The following GLCE variants were observed in gnomAD, a reference collection of about 807,000 sequenced individuals.
GLCE encodes the protein glucuronic acid epimerase.
In GLCE, 19 loss-of-function variants were observed where a neutral mutation model predicts 47.9. The ratio of observed to expected loss-of-function variants is 0.40; its 90% confidence interval spans 0.28 to 0.58. The LOEUF is 0.58. GLCE is among the 20% of genes least tolerant of loss of function. GLCE has a pLI of 0.48. For synonymous variants in GLCE, 245 were observed against 263.4 expected, an observed-to-expected ratio of 0.93 and a Z score of 0.68; for missense variants, 556 against 743.3, an observed-to-expected ratio of 0.75 and a Z score of 2.93.
chr15:69,240,088 A>G (rs2052645438), intron 2 of GLCE, among the ~76,000 whole-genome samples: 2 of 152,314 alleles, frequency 1.3e-5, no homozygotes, highest in South Asian at 4.1e-4. Flanking sequence ...TAATGGCTTT[A>G]TAATGGATTA....
At chr15:69,204,069 G>A (rs1278681924) in intron 1 of GLCE, among the ~76,000 whole-genome samples, 1 of 151,820 alleles carries the variant, frequency 6.6e-6, no homozygotes, top group Non-Finnish European at 1.5e-5. Context: ...TTTATATTTT[G>A]TGACCACATG....
At chr15:69,201,158 A>G (rs998920583) in intron 1 of GLCE, among the ~76,000 whole-genome samples, 13 of 152,192 alleles carry the variant, frequency 8.5e-5, no homozygotes, top group Admixed American at 5.2e-4. Context: ...GCCTACCTGG[A>G]TAATACAGAG....
intron 2 of GLCE, among the ~76,000 whole-genome samples, chr15:69,210,762 G>A (rs1425577983): frequency 6.6e-6 from 1 of 152,082 alleles, no homozygotes; most frequent in Non-Finnish European, 1.5e-5. Flanking sequence ...GCAAACTATG[G>A]CCTATGGGCC....
intron 2 of GLCE, among the ~76,000 whole-genome samples, chr15:69,241,906 C>A (rs547592824): frequency 4.5e-4 from 68 of 152,236 alleles, no homozygotes; most frequent in African/African-American, 1.5e-3. Flanking sequence ...AATGTCTTTT[C>A]CCCGTCCAGA....
At chr15:69,212,304 A>T (rs535564307) in intron 2 of GLCE, among the ~76,000 whole-genome samples, 1 of 152,102 alleles carries the variant, frequency 6.6e-6, no homozygotes, top group East Asian at 1.9e-4. Context: ...ATCTTAAGAC[A>T]TCTTTTTTTA....
chr15:69,177,727 A>T (rs1008523598), intron 1 of GLCE, among the ~76,000 whole-genome samples: 1 of 148,902 alleles, frequency 6.7e-6, no homozygotes, highest in Admixed American at 6.6e-5. Context: ...TCTTTACTTC[A>T]TGCCGCTTTA....
intron 1 of GLCE, among the ~76,000 whole-genome samples, chr15:69,196,224 G>A (rs2051988526): frequency 6.6e-6 from 1 of 152,144 alleles, no homozygotes; most frequent in South Asian, 2.1e-4. Context: ...TAGTGTGACT[G>A]AAGTGGAGTG....
intron 1 of GLCE, among the ~76,000 whole-genome samples, chr15:69,208,051 T>C (rs1365583170): frequency 6.6e-6 from 1 of 152,050 alleles, no homozygotes; most frequent in Non-Finnish European, 1.5e-5. Flanking sequence ...AAGTCCTTTG[T>C]TCCATAAGCG....
chr15:69,176,558 A>G lies in GLCE; in HGVS notation c.-105+15801A>G, dbSNP rs201280013. On this transcript the variant is annotated intron_variant, in intron 1 of 4. Coordinates refer to ENST00000261858, the MANE Select transcript of GLCE (RefSeq NM_015554.3). ...TTGTTTTTTTTCCTCAAACATCTAT[A>G]TGGCACTGCAATATAGAATACAAAT... 2.0e-5 allele frequency among the ~76,000 whole-genome samples: 3 copies of G among 152,098 alleles called. No homozygotes were observed. The East Asian group carries it at 5.8e-4, about 29-fold the overall frequency.
chr15:69,228,514 C>G lies in GLCE; in HGVS notation c.-14+18108C>G, dbSNP rs147087962. On this transcript the variant is annotated intron_variant, in intron 2 of 4. Coordinates refer to ENST00000261858, the MANE Select transcript of GLCE (RefSeq NM_015554.3). ...GGCAAAAGAAATTGAATAATGAAAA[C>G]TACTTGATAAAATCAAAAGAAGGCA... Among the ~76,000 whole-genome samples, 88 of 152,046 alleles carry G rather than the reference C, an allele frequency of 5.8e-4. 1 individual carries two copies. Among genetic ancestry groups the G allele is most frequent in the Admixed American group, 3.7e-3 (56 of 15,266 alleles).
At chr15:69,193,971 T>C (rs1366490047) in intron 1 of GLCE, among the ~76,000 whole-genome samples, 1 of 152,174 alleles carries the variant, frequency 6.6e-6, no homozygotes, top group Admixed American at 6.6e-5. Context: ...TAAAGTCTGA[T>C]GTAAAATGCC....
At chr15:69,166,416 G>A (rs2051501973) in intron 1 of GLCE, among the ~76,000 whole-genome samples, 1 of 152,164 alleles carries the variant, frequency 6.6e-6, no homozygotes, top group Non-Finnish European at 1.5e-5. Context: ...GAAGTAGGTT[G>A]TAAAGTTTAT....
intron 2 of GLCE, among the ~76,000 whole-genome samples, chr15:69,235,819 G>A (rs891646817): frequency 2.6e-5 from 4 of 152,112 alleles, no homozygotes; most frequent in East Asian, 1.9e-4. Flanking sequence ...AAAATAAAAT[G>A]TGCCCCTTTA....
At chr15:69,253,604 AAAG>A (rs1056463116) in intron 2 of GLCE, among the ~76,000 whole-genome samples, 8 of 152,268 alleles carry the variant, frequency 5.3e-5, no homozygotes, top group Admixed American at 1.3e-4. Flanking sequence ...TATTTTAAAA[AAAG>A]AAGAATAAAT....
intron 1 of GLCE, chr15:69,196,672 TACA>T (rs2051998443): frequency 6.2e-6 from 1 of 162,134 alleles, no homozygotes; most frequent in Non-Finnish European, 1.4e-5. Context: ...CTGATCCTCT[TACA>T]ACACTAGAAG....
At chr15:69,177,592 G>C in intron 1 of GLCE, among the ~76,000 whole-genome samples, 1 of 151,886 alleles carries the variant, frequency 6.6e-6, no homozygotes, top group South Asian at 2.1e-4. Context: ...ATCATCTCCA[G>C]AAGTTTCTTC....
chr15:69,248,175 T>A (rs2052781629), intron 2 of GLCE, among the ~76,000 whole-genome samples: 1 of 152,234 alleles, frequency 6.6e-6, no homozygotes, highest in African/African-American at 2.4e-5. Context: ...CAGAGAATTC[T>A]ACTTGTTTAT....
intron 2 of GLCE, among the ~76,000 whole-genome samples, chr15:69,245,984 C>T (rs768562185): frequency 3.3e-5 from 5 of 152,216 alleles, no homozygotes; most frequent in African/African-American, 4.8e-5. Context: ...CCGCCTCGGC[C>T]TCCTAAAGTA....
chr15:69,179,756 G>A (rs2051724590), intron 1 of GLCE, among the ~76,000 whole-genome samples: 4 of 152,276 alleles, frequency 2.6e-5, no homozygotes, highest in South Asian at 2.1e-4. Context: ...AAGCCAAGGC[G>A]GGTGGATCAC....
Sources: gnomAD v4.1 joint callset for allele counts (sites outside exome capture counted in the v4.1 genomes callset) on GRCh38, gnomAD v4.1.1 for gene constraint, MANE v1.5 for transcripts, NCBI Gene and HGNC (gene_info 2026-07-23, HGNC 2026-07-21) for gene names.